Variants in SLC67A1 observed in about 807,000 individuals in gnomAD.
SLC67A1 encodes solute carrier family 67 member 1, also known as solute carrier family 67 member A1.
the SLC67A1 span, among the ~76,000 whole-genome samples, chr11:2,913,728 C>T: frequency 6.6e-6 from 1 of 152,236 alleles, no homozygotes; most frequent in African/African-American, 2.4e-5. Flanking sequence ...TCCCAGCTGA[C>T]CTAGCCTCAG....
chr11:2,903,624 GC>G, the SLC67A1 span: 1 of 875,818 alleles, frequency 1.1e-6, no homozygotes, highest in Non-Finnish European at 1.8e-6. Context: ...TGGGACTCAT[GC>G]CACGCTTAAG....
At chr11:2,906,782 T>A in the SLC67A1 span, among the ~76,000 whole-genome samples, 21 of 151,054 alleles carry the variant, frequency 1.4e-4, no homozygotes, top group African/African-American at 5.1e-4. Flanking sequence ...AGTTAATGGG[T>A]GCAGCAAACC....
chr11:2,924,588 C>T, the SLC67A1 span, among the ~76,000 whole-genome samples: 1 of 152,208 alleles, frequency 6.6e-6, no homozygotes, highest in Non-Finnish European at 1.5e-5. This position sits in a 1 kb window ranked among gnomAD's most constrained non-coding sequence, Gnocchi z 8.6. Context: ...GGGCCCCAGG[C>T]ACAGATGCCA....
chr11:2,901,128 G>A, the SLC67A1 span, among the ~76,000 whole-genome samples: 1 of 152,232 alleles, frequency 6.6e-6, no homozygotes, highest in Non-Finnish European at 1.5e-5. Flanking sequence ...CTGAGAGACA[G>A]GAGAGCAAGA....
chr11:2,910,249 A>G, the SLC67A1 span, among the ~76,000 whole-genome samples: 1 of 152,064 alleles, frequency 6.6e-6, no homozygotes, highest in Non-Finnish European at 1.5e-5. Context: ...TGGGGTGGGT[A>G]GTTTGAACAC....
the SLC67A1 span, chr11:2,922,492 C>T: frequency 3.7e-6 from 6 of 1,612,800 alleles, no homozygotes; most frequent in Non-Finnish European, 5.1e-6. Flanking sequence ...TGGTGTTCAG[C>T]CTCTGCACCC....
chr11:2,909,942 G>A, the SLC67A1 span: 1 of 475,012 alleles, frequency 2.1e-6, no homozygotes, highest in South Asian at 3.3e-5. Context: ...GGGCGCGACT[G>A]GACTGCCAAG....
At chr11:2,916,805 G>C in the SLC67A1 span, 17 of 1,432,574 alleles carry the variant, frequency 1.2e-5, no homozygotes, top group South Asian at 1.2e-4. Context: ...CTAGGCCTGC[G>C]TGCTCCAGCC....
the SLC67A1 span, among the ~76,000 whole-genome samples, chr11:2,915,815 T>C: frequency 1.3e-5 from 2 of 152,336 alleles, no homozygotes; most frequent in African/African-American, 4.8e-5. Flanking sequence ...GGGGGCTGGC[T>C]GAGCCCCCAG....
chr11:2,908,384 C>A, the SLC67A1 span: 1 of 1,365,746 alleles, frequency 7.3e-7, no homozygotes, highest in Non-Finnish European at 1.0e-6. Flanking sequence ...GGCCCCCTCT[C>A]AGACGCCATG....
chr11:2,919,007 T>A, the SLC67A1 span: 2 of 385,252 alleles, frequency 5.2e-6, no homozygotes, highest in African/African-American at 4.2e-5. Flanking sequence ...CAGAGAGCCG[T>A]GGTGGGTCTT....
At chr11:2,920,746 T>C in the SLC67A1 span, 1 of 152,258 alleles carries the variant, frequency 6.6e-6, no homozygotes, top group South Asian at 2.1e-4. Context: ...TCCAGGTTCA[T>C]GTCACAACCT....
At chr11:2,901,604 G>A in the SLC67A1 span, among the ~76,000 whole-genome samples, 2 of 152,250 alleles carry the variant, frequency 1.3e-5, no homozygotes, top group Non-Finnish European at 2.9e-5. Flanking sequence ...GTGCTCCAGC[G>A]GCTCCTGCTG....
At chr11:2,917,005 G>A in the SLC67A1 span, 4 of 534,844 alleles carry the variant, frequency 7.5e-6, no homozygotes, top group Admixed American at 1.4e-4. Context: ...CGTTAGGAGG[G>A]GAGGCCCAGA....
chr11:2,913,068 T>C, the SLC67A1 span, among the ~76,000 whole-genome samples: 3 of 150,512 alleles, frequency 2.0e-5, no homozygotes, highest in East Asian at 5.9e-4. Context: ...GGCTGAGGAG[T>C]GCAGGGGTGT....
chr11:2,901,912 C>G, the SLC67A1 span, among the ~76,000 whole-genome samples: 1 of 151,964 alleles, frequency 6.6e-6, no homozygotes, highest in Admixed American at 6.5e-5. Flanking sequence ...CCGCCCCTGC[C>G]TCCCCTCCAT....
At chr11:2,912,502 T>C in the SLC67A1 span, among the ~76,000 whole-genome samples, 2 of 152,168 alleles carry the variant, frequency 1.3e-5, no homozygotes, top group East Asian at 3.9e-4. Context: ...AGGCACAACA[T>C]GTGTGGGCTT....
At chr11:2,921,988 C>T in the SLC67A1 span, 1 of 771,580 alleles carries the variant, frequency 1.3e-6, no homozygotes, top group East Asian at 2.5e-5. Flanking sequence ...TGCAGAGGGG[C>T]CCTGGCCACC....
the SLC67A1 span, chr11:2,909,571 TC>T: frequency 6.6e-7 from 1 of 1,525,708 alleles, no homozygotes. Flanking sequence ...CCCCGCCCCG[TC>T]CCCAGCCGCC....
Sources: allele counts gnomAD v4.1 joint callset (sites outside exome capture counted in the v4.1 genomes callset), GRCh38; gene constraint gnomAD v4.1.1; non-coding constraint Gnocchi (gnomAD v3.1); transcripts MANE v1.5; gene names NCBI Gene and HGNC (gene_info 2026-07-23, HGNC 2026-07-21).